Variants in SPAG9 observed in about 807,000 individuals in gnomAD.
The protein encoded by SPAG9 is sperm associated antigen 9, also known as C-Jun-amino-terminal kinase-interacting protein 4.
Under a neutral mutation model 166.5 loss-of-function variants are expected in SPAG9, and 35 were observed. That is an observed-to-expected ratio of 0.21 (90% CI 0.16 to 0.28). SPAG9 has a LOEUF of 0.28. Among genes scored for constraint, SPAG9 ranks in the 10% least tolerant of loss-of-function variants. SPAG9 has a pLI of 1.00. For missense variants in SPAG9, 1,235 were observed against 1,603.3 expected (o/e 0.77, Z 3.92); for synonymous variants, 534 against 565.5 (o/e 0.94, Z 0.79).
chr17:51,058,154 C>T (rs1210485523), intron 2 of SPAG9, among the ~76,000 whole-genome samples: 1 of 152,148 alleles, frequency 6.6e-6, no homozygotes, highest in Non-Finnish European at 1.5e-5. Flanking sequence ...ATCCAACTAT[C>T]ATTCATAATC....
chr17:51,080,823 G>A (rs2048140927), intron 1 of SPAG9, among the ~76,000 whole-genome samples: 1 of 139,052 alleles, frequency 7.2e-6, no homozygotes, highest in Non-Finnish European at 1.5e-5. Context: ...GGAGGTGGAA[G>A]TTGCAGTGAG....
chr17:51,069,513 G>GA (rs1431130896), intron 2 of SPAG9, among the ~76,000 whole-genome samples: 2 of 152,038 alleles, frequency 1.3e-5, no homozygotes, highest in Non-Finnish European at 2.9e-5. Flanking sequence ...AATGGTTTAT[G>GA]TGCTGTGAAA....
chr17:50,985,017 A>C, intron 23 of SPAG9, 27 bp from the exon 24 acceptor site: 2 of 1,608,388 alleles, frequency 1.2e-6, no homozygotes, highest in Non-Finnish European at 1.7e-6. Context: ...GGAGTTCAGA[A>C]CTCTCCATTC....
At chr17:51,009,811 T>C (rs2045389770) in intron 9 of SPAG9, among the ~76,000 whole-genome samples, 1 of 152,146 alleles carries the variant, frequency 6.6e-6, no homozygotes, top group Non-Finnish European at 1.5e-5. Flanking sequence ...AAATAAAGCC[T>C]TTCCGAGATG....
At chr17:51,047,620 T>G (rs1202142190) in intron 3 of SPAG9, 151 bp from the exon 4 acceptor site, 1 of 396,218 alleles carries the variant, frequency 2.5e-6, no homozygotes, top group Non-Finnish European at 4.5e-6. Context: ...ATGAAAAAAA[T>G]TTTAAGGGAA....
In SPAG9 at chr17:51,053,877, A is replaced by AG. The variant is rs1568045091; in HGVS notation, c.495+2534_495+2535insC. Reference sequence around the variant, plus strand: ...AAAGTATATATATATATATATATATATATATATATATATATATATATAAAA... The same window carrying AG: ...AAAGTATATATATATATATATATATAGTATATATATATATATATATATAAAA... On this transcript the variant is annotated intron_variant, in intron 3 of 29. Transcript: ENST00000262013. Among the ~76,000 whole-genome samples, 46 of 105,090 alleles carry AG rather than the reference A, an allele frequency of 4.4e-4. 3 individuals are homozygous for AG. Among genetic ancestry groups the AG allele is most frequent in the South Asian group, 2.2e-3 (8 of 3,720 alleles). The allele number at this position is 105,090 out of a possible 152,430, so 68.9% of individuals were successfully genotyped here.
chr17:50,964,852 A>C lies in SPAG9; in HGVS notation c.*1420T>G, dbSNP rs964011844. ...ACTGCAACCTCCACCTCCTGGGCCC[A>C]GGTCATCCTCCCACCTCAGCCTCCC... is the stretch of plus-strand genomic sequence containing the variant. On this transcript the variant is annotated 3_prime_UTR_variant, in exon 30 of 30. Transcript: ENST00000262013. The C allele has an allele frequency of 6.6e-6, 2 of 304,970 alleles. No homozygotes were observed. Among genetic ancestry groups the C allele is most frequent in the African/African-American group, 4.5e-5 (2 of 44,508 alleles). 18.9% of individuals were successfully genotyped at this position (304,970 alleles called of 1,614,324 possible).
intron 1 of SPAG9, among the ~76,000 whole-genome samples, chr17:51,091,667 G>A (rs919903869): frequency 6.6e-6 from 1 of 151,762 alleles, no homozygotes; most frequent in Non-Finnish European, 1.5e-5. Context: ...TTAAGGACTA[G>A]GGGGATTAAG....
chr17:51,087,126 T>C (rs2048326539), intron 1 of SPAG9, among the ~76,000 whole-genome samples: 1 of 152,176 alleles, frequency 6.6e-6, no homozygotes, highest in Non-Finnish European at 1.5e-5. Context: ...TCTAAATTGC[T>C]ATCCAAGAAA....
chr17:51,022,680 G>A (rs192495130), intron 6 of SPAG9, among the ~76,000 whole-genome samples: 4 of 151,426 alleles, frequency 2.6e-5, no homozygotes, highest in Non-Finnish European at 4.4e-5. Flanking sequence ...CGGGTGCAGT[G>A]GCTCACGCCT....
chr17:50,997,507 T>C (rs1385213143), intron 15 of SPAG9, among the ~76,000 whole-genome samples: 1 of 152,226 alleles, frequency 6.6e-6, no homozygotes, highest in Non-Finnish European at 1.5e-5. Context: ...CAAACTGATT[T>C]GGTAAACTTT....
In SPAG9 at chr17:50,990,283, C is replaced by A. The variant is rs145611615; in HGVS notation, c.2617+167G>T. 2.3e-3 allele frequency: 1,437 copies of A among 617,364 alleles called. 19 individuals are homozygous for A. Among genetic ancestry groups the A allele is most frequent in the African/African-American group, 0.021 (1,157 of 54,472 alleles). The allele number at this position is 617,364 out of a possible 1,614,324, so 38.2% of individuals were successfully genotyped here. The stretch of plus-strand genomic sequence containing the variant: ...GACCTCGTGATCCACCCGCCTTGGC[C>A]TCCCAGAGTGCTGGGATTACAGGCG... On this transcript the variant is annotated intron_variant, in intron 20 of 29. Coordinates refer to ENST00000262013, the MANE Select transcript of SPAG9 (RefSeq NM_001130528.3).
intron 24 of SPAG9, among the ~76,000 whole-genome samples, chr17:50,983,617 T>A (rs969150768): frequency 6.6e-6 from 1 of 152,234 alleles, no homozygotes; most frequent in Non-Finnish European, 1.5e-5. Context: ...GGACTTTACA[T>A]TGACACTTAC....
chr17:50,987,359 A>T, intron 21 of SPAG9, 122 bp from the exon 22 acceptor site: 3 of 890,018 alleles, frequency 3.4e-6, no homozygotes, highest in Non-Finnish European at 4.9e-6. Context: ...TATTTTTTAG[A>T]GATAGGGTAT....
At chr17:51,100,577 A>T (rs1277802106) in intron 1 of SPAG9, among the ~76,000 whole-genome samples, 3 of 151,610 alleles carry the variant, frequency 2.0e-5, no homozygotes, top group Non-Finnish European at 4.4e-5. Context: ...GGCTGCAGTG[A>T]GCCATAATCG....
chr17:51,104,587 G>A lies in SPAG9; in HGVS notation c.303+15767C>T, dbSNP rs2048889846. Reference sequence around the variant, plus strand: ...GGAGGTGGAGGTGATGGCGAGGCGAGTTCACACCATTGCACTCCAGCCTGG... The same window carrying A: ...GGAGGTGGAGGTGATGGCGAGGCGAATTCACACCATTGCACTCCAGCCTGG... On this transcript the variant is annotated intron_variant, in intron 1 of 29. Transcript: ENST00000262013. Among the ~76,000 whole-genome samples, 10 of 152,072 alleles carry A rather than the reference G, an allele frequency of 6.6e-5. No homozygotes were observed. The South Asian group carries it at 1.9e-3, about 28-fold the overall frequency.
chr17:51,095,554 G>A (rs951923493), intron 1 of SPAG9, among the ~76,000 whole-genome samples: 3 of 150,798 alleles, frequency 2.0e-5, no homozygotes, highest in Non-Finnish European at 2.9e-5. Flanking sequence ...GGGAGGCTGA[G>A]GCAGAAGAAT....
At chr17:51,015,163 T>C (rs907924330) in intron 8 of SPAG9, among the ~76,000 whole-genome samples, 2 of 152,062 alleles carry the variant, frequency 1.3e-5, no homozygotes, top group African/African-American at 4.8e-5. Context: ...GGAAAACAGA[T>C]GGGCAAACAG....
intron 1 of SPAG9, among the ~76,000 whole-genome samples, chr17:51,100,682 C>T (rs935208960): frequency 3.5e-4 from 54 of 152,142 alleles, no homozygotes; most frequent in African/African-American, 1.2e-3. Flanking sequence ...TACTTTGGGA[C>T]GCCAAGGCGG....
Sources: gnomAD v4.1 joint callset for allele counts (sites outside exome capture counted in the v4.1 genomes callset) on GRCh38, gnomAD v4.1.1 for gene constraint, MANE v1.5 for transcripts, NCBI Gene and HGNC (gene_info 2026-07-23, HGNC 2026-07-21) for gene names.